The following PRKN variants were observed in gnomAD, a reference collection of about 807,000 sequenced individuals.
PRKN encodes the protein E3 ubiquitin-protein ligase parkin.
A neutral mutation model predicts 59.5 loss-of-function variants in PRKN; 56 were observed. The ratio of observed to expected loss-of-function variants is 0.94; its 90% CI spans 0.76 to 1.18. PRKN has a LOEUF of 1.18. Ranked by LOEUF, PRKN falls within the 50% of genes most tolerant of loss-of-function variation. PRKN has a pLI of 0.00. For synonymous variants in PRKN, 250 were observed against 222.1 expected (o/e 1.13, Z -1.12); for missense variants, 657 against 596.4 (o/e 1.10, Z -1.06).
intron 1 of PRKN, among the ~76,000 whole-genome samples, chr6:162,499,435 A>C (rs1427518477): frequency 6.6e-6 from 1 of 151,526 alleles, no homozygotes; most frequent in Non-Finnish European, 1.5e-5. Context: ...TGTCCACTAG[A>C]CTCTTGCAGG....
At chr6:161,909,478 C>CGA (rs918022521) in intron 6 of PRKN, among the ~76,000 whole-genome samples, 5 of 151,674 alleles carry the variant, frequency 3.3e-5, no homozygotes, top group African/African-American at 1.2e-4. Flanking sequence ...CACTGGAAAA[C>CGA]GAGAGAGAGC....
rs561713061 is a variant in PRKN at position 162,533,710 on chromosome 6, C to T, written c.8-90237G>A. ...AAAAGAGATATATGCCGAGCACACA[C>T]CTGTAATCCCAACACTTTGGGAGGC... On this transcript the variant is annotated intron_variant, in intron 1 of 11. Coordinates refer to ENST00000366898, the MANE Select transcript of PRKN (RefSeq NM_004562.3). 2.6e-5 allele frequency among the ~76,000 whole-genome samples: 4 copies of T among 152,124 alleles called. No individual in the cohort carries two copies. In the East Asian group the frequency reaches 7.8e-4, roughly 29 times the overall value.
intron 4 of PRKN, among the ~76,000 whole-genome samples, chr6:162,165,425 T>C (rs1782933341): frequency 6.7e-6 from 1 of 149,488 alleles, no homozygotes; most frequent in Admixed American, 6.7e-5. Flanking sequence ...AAAGTACTGA[T>C]ATGTAATAAA....
chr6:162,221,431 C>A (rs1012315033), intron 3 of PRKN, among the ~76,000 whole-genome samples: 20 of 152,282 alleles, frequency 1.3e-4, no homozygotes, highest in South Asian at 1.2e-3. Context: ...GCCCTGGTTT[C>A]TCACTTTGCT....
chr6:162,068,162 A>G (rs1423606848), intron 4 of PRKN, among the ~76,000 whole-genome samples: 1 of 152,224 alleles, frequency 6.6e-6, no homozygotes, highest in African/African-American at 2.4e-5. Context: ...ATATATGTCA[A>G]TATCTTTATA....
At chr6:162,622,866 T>A (rs1782732531) in intron 1 of PRKN, among the ~76,000 whole-genome samples, 1 of 152,144 alleles carries the variant, frequency 6.6e-6, no homozygotes, top group African/African-American at 2.4e-5. Flanking sequence ...ACACGTGAAA[T>A]GCTTTATGAA....
intron 7 of PRKN, among the ~76,000 whole-genome samples, chr6:161,616,942 G>A (rs780835840): frequency 1.3e-5 from 2 of 152,134 alleles, no homozygotes; most frequent in Non-Finnish European, 2.9e-5. Flanking sequence ...AGATTGCTGG[G>A]TCAAATGGTA....
chr6:161,984,835 C>T (rs1473697154), intron 5 of PRKN, among the ~76,000 whole-genome samples: 1 of 152,156 alleles, frequency 6.6e-6, no homozygotes, highest in Non-Finnish European at 1.5e-5. Flanking sequence ...AACTATGGGA[C>T]AGTTGTCAAA....
chr6:161,898,619 T>C (rs1312869864), intron 6 of PRKN, among the ~76,000 whole-genome samples: 2 of 152,210 alleles, frequency 1.3e-5, no homozygotes, highest in Non-Finnish European at 2.9e-5. Context: ...GTTGCGGGCA[T>C]CTTTGCTGAC....
At chr6:161,426,158 G>A (rs1293320416) in intron 9 of PRKN, among the ~76,000 whole-genome samples, 3 of 152,296 alleles carry the variant, frequency 2.0e-5, no homozygotes, top group African/African-American at 7.2e-5. Flanking sequence ...ACGGAGATTT[G>A]TAAAAAGCAA....
Position 161,512,825 on chromosome 6 carries a change from T to C in PRKN, c.1083+36029A>G, listed in dbSNP as rs551818487. Among the ~76,000 whole-genome samples, 4 of 152,316 alleles carry C rather than the reference T, an allele frequency of 2.6e-5. No homozygotes were observed. The South Asian group carries it at 8.3e-4, about 32-fold the overall frequency. On this transcript the variant is annotated intron_variant, in intron 9 of 11. Coordinates refer to ENST00000366898, the MANE Select transcript of PRKN (RefSeq NM_004562.3). ...CTATGGGGGCTGGAAGTTAGCATAATTACTTCCAATTAAATTAAGGTGGCA... is the reference window on the plus strand; with the variant it reads ...CTATGGGGGCTGGAAGTTAGCATAACTACTTCCAATTAAATTAAGGTGGCA...
At chr6:162,361,185 C>T (rs1193001930) in intron 2 of PRKN, among the ~76,000 whole-genome samples, 2 of 152,022 alleles carry the variant, frequency 1.3e-5, no homozygotes, top group Non-Finnish European at 2.9e-5. Context: ...TACATTTTTA[C>T]TTCAGAAGTT....
chr6:162,373,106 C>T (rs2128137678), intron 2 of PRKN, among the ~76,000 whole-genome samples: 1 of 152,048 alleles, frequency 6.6e-6, no homozygotes, highest in Non-Finnish European at 1.5e-5. Flanking sequence ...TTACCTACCA[C>T]AACTAATGAG....
intron 6 of PRKN, among the ~76,000 whole-genome samples, chr6:161,967,958 T>C (rs1780643737): frequency 6.6e-6 from 1 of 152,148 alleles, no homozygotes; most frequent in Non-Finnish European, 1.5e-5. Flanking sequence ...GACTGATTTA[T>C]CTTATCTTGC....
In PRKN at chr6:162,011,473, A is replaced by G. The variant is rs192970496; in HGVS notation, c.619-38056T>C. ...ATATATAATATATATATTATAATAT[A>G]TAATATATTATAATATATATAATAT... On this transcript the variant is annotated intron_variant, in intron 5 of 11. Coordinates refer to ENST00000366898, the MANE Select transcript of PRKN (RefSeq NM_004562.3). 1.3e-3 allele frequency among the ~76,000 whole-genome samples: 20 copies of G among 15,590 alleles called. 5 individuals are homozygous for G. Among genetic ancestry groups the G allele is most frequent in the Admixed American group, 7.0e-3 (4 of 574 alleles). The allele number at this position is 15,590 out of a possible 152,430, so 10.2% of individuals were successfully genotyped here.
At chr6:162,658,018 G>C (rs1778716103) in intron 1 of PRKN, among the ~76,000 whole-genome samples, 1 of 152,154 alleles carries the variant, frequency 6.6e-6, no homozygotes, top group African/African-American at 2.4e-5. Context: ...AGATTTTAGA[G>C]TCATTTATGA....
chr6:162,220,761 G>A (rs367799124), intron 3 of PRKN, among the ~76,000 whole-genome samples: 45 of 152,326 alleles, frequency 3.0e-4, no homozygotes, highest in East Asian at 1.9e-3. Context: ...GCAGGCAGCC[G>A]TCAGGGAAAA....
rs1490281602 is a variant in PRKN, at chr6:162,429,139, T to C, written c.171+14171A>G. 2.0e-5 allele frequency among the ~76,000 whole-genome samples: 3 copies of C among 152,178 alleles called. No homozygotes were observed. The South Asian group carries it at 6.2e-4, about 32-fold the overall frequency. ...ATACTGACTACAGAAGTATAACCAA[T>C]TGGGGTTTATTTTTCGCATGTTACA... is the stretch of plus-strand genomic sequence containing the variant. On this transcript the variant is annotated intron_variant, in intron 2 of 11. Coordinates refer to ENST00000366898, the MANE Select transcript of PRKN (RefSeq NM_004562.3).
chr6:161,740,409 C>T (rs1258240813), intron 7 of PRKN, among the ~76,000 whole-genome samples: 1 of 152,192 alleles, frequency 6.6e-6, no homozygotes, highest in Non-Finnish European at 1.5e-5. Context: ...ACTTGCCCTA[C>T]CTGTTTCACT....
Sources: gnomAD v4.1 joint callset for allele counts (sites outside exome capture counted in the v4.1 genomes callset) on GRCh38, gnomAD v4.1.1 for gene constraint, MANE v1.5 for transcripts, NCBI Gene and HGNC (gene_info 2026-07-23, HGNC 2026-07-21) for gene names.